Variants in DENND4A observed in about 807,000 individuals in gnomAD.
DENND4A encodes the protein DENN domain containing 4A.
DENND4A carries 70 observed loss-of-function variants against 199.3 expected under a neutral mutation model. The observed-to-expected ratio is 0.35, with a 90% CI of 0.29 to 0.43. DENND4A has a LOEUF of 0.43. Among genes scored for constraint, DENND4A ranks in the 20% least tolerant of loss-of-function variants. DENND4A has a pLI of 1.00. For synonymous variants in DENND4A, 686 were observed against 766.9 expected (o/e 0.89, Z 1.74); for missense variants, 1,723 against 2,255.8 (o/e 0.76, Z 4.78).
At chr15:65,676,670 T>C in intron 23 of DENND4A, 36 bp from the exon 24 acceptor site, 1 of 1,508,812 alleles carries the variant, frequency 6.6e-7, no homozygotes, top group South Asian at 1.3e-5. Context: ...TTCTTGTACA[T>C]TTAAAGGTAA....
chr15:65,770,853 T>C (rs538194254), intron 1 of DENND4A, among the ~76,000 whole-genome samples: 2 of 152,266 alleles, frequency 1.3e-5, no homozygotes, highest in South Asian at 2.1e-4. Flanking sequence ...AATCTTTACA[T>C]GACAAGGGAA....
In DENND4A at chr15:65,726,792, C is replaced by G. The variant is rs182166431; in HGVS notation, c.1487+2280G>C. ...CCAACACGGTGAAAACCCCTCTCTA[C>G]TAAAAATACAAAAATTATCCAGGTG... On this transcript the variant is annotated intron_variant, in intron 11 of 32. Coordinates refer to ENST00000443035, the MANE Select transcript of DENND4A (RefSeq NM_001320835.1). Among the ~76,000 whole-genome samples the G allele has an allele frequency of 3.1e-3, 468 of 152,096 alleles. 2 individuals carry two copies. The highest frequency in any genetic ancestry group is 0.011 in the African/African-American group (449 of 41,494).
intron 2 of DENND4A, among the ~76,000 whole-genome samples, chr15:65,759,202 G>C (rs2076788503): frequency 6.6e-6 from 1 of 152,176 alleles, no homozygotes; most frequent in African/African-American, 2.4e-5. Context: ...GACTAGGCCA[G>C]GCAAGGTGGC....
At position 65,661,055 on chromosome 15, in the gene DENND4A, AT is replaced by A. The variant is rs1170781673; in HGVS notation, c.*795del. 6.6e-6 allele frequency: 1 copy of A among 152,124 alleles called. No individual in the cohort carries two copies. Among genetic ancestry groups the A allele is most frequent in the Non-Finnish European group, 1.5e-5 (1 of 68,032 alleles). The allele number at this position is 152,124 out of a possible 1,614,324, so 9.4% of individuals were successfully genotyped here. ...TACGTATCTATTAGCAATAGAGACA[AT>A]TTTGGAGTCATGGTATAGTGAACCT... On this transcript the variant is annotated 3_prime_UTR_variant, in exon 33 of 33. Transcript: ENST00000443035.
At chr15:65,748,039 C>CAAAAAAAAAAAAA (rs34813076) in intron 4 of DENND4A, among the ~76,000 whole-genome samples, 1 of 54,378 alleles carries the variant, frequency 1.8e-5, no homozygotes, top group Non-Finnish European at 3.3e-5. Context: ...TACTCCGTCT[C>CAAAAAAAAAAAAA]AAAAAAAAAA....
chr15:65,674,917 G>C (rs1034871884), intron 24 of DENND4A, among the ~76,000 whole-genome samples: 1 of 152,150 alleles, frequency 6.6e-6, no homozygotes, highest in African/African-American at 2.4e-5. Context: ...GAAAGGAACA[G>C]ATAAAGTAAG....
intron 1 of DENND4A, among the ~76,000 whole-genome samples, chr15:65,769,020 A>G (rs1423257285): frequency 6.6e-6 from 1 of 151,916 alleles, no homozygotes; most frequent in Non-Finnish European, 1.5e-5. Context: ...ACAAAAAAAA[A>G]AACCCCCACA....
chr15:65,711,736 GTT>G (rs1279146419), intron 14 of DENND4A, among the ~76,000 whole-genome samples: 1 of 152,164 alleles, frequency 6.6e-6, no homozygotes, highest in Non-Finnish European at 1.5e-5. Flanking sequence ...TGTATCTACT[GTT>G]TGTATATCTC....
chr15:65,762,376 C>T (rs2076873321), intron 1 of DENND4A, among the ~76,000 whole-genome samples: 2 of 151,948 alleles, frequency 1.3e-5, no homozygotes, highest in South Asian at 4.2e-4. Context: ...GTAATCCCAG[C>T]ACTTTGAGAG....
At chr15:65,725,570 G>A (rs566784537) in intron 11 of DENND4A, among the ~76,000 whole-genome samples, 220 of 151,876 alleles carry the variant, frequency 1.4e-3, no homozygotes, top group African/African-American at 5.0e-3. Context: ...CCAGCTACTC[G>A]GGAGGCTGAG....
intron 1 of DENND4A, among the ~76,000 whole-genome samples, chr15:65,764,637 A>C (rs949221121): frequency 1.3e-4 from 19 of 151,832 alleles, no homozygotes; most frequent in Admixed American, 2.0e-4. Flanking sequence ...TCTCAAAAAA[A>C]CCCAATAATT....
intron 32 of DENND4A, among the ~76,000 whole-genome samples, chr15:65,663,394 A>C (rs1225178258): frequency 6.6e-6 from 1 of 151,572 alleles, no homozygotes; most frequent in East Asian, 1.9e-4. Flanking sequence ...TTTTTAGTAG[A>C]GATGGGGTTT....
chr15:65,664,683 T>C lies in DENND4A; in HGVS notation c.5399A>G (p.Asp1800Gly), dbSNP rs2075978787. The change falls in exon 31 of 33, where the codon GAT becomes GGT. Residue 1800 changes from aspartate to glycine, a missense_variant. By Grantham distance (94) the Asp-to-Gly change is moderately conservative. Coordinates refer to ENST00000443035, the MANE Select transcript of DENND4A (RefSeq NM_001320835.1). ...CAACAGTTCCTGGTTAAATGAGTTA[T>C]CACTTTTTTGCAATAAATGGACCAT... The part of the protein sequence containing the change: ...YPMVHLLQKS[D>G]NSFNQELLKS... 4 of 1,612,704 alleles carry C rather than the reference T, an allele frequency of 2.5e-6. No homozygotes were observed. Among genetic ancestry groups the C allele is most frequent in the Non-Finnish European group, 3.4e-6 (4 of 1,179,348 alleles).
intron 3 of DENND4A, among the ~76,000 whole-genome samples, chr15:65,755,120 C>T (rs2076666675): frequency 6.6e-6 from 1 of 152,116 alleles, no homozygotes; most frequent in African/African-American, 2.4e-5. Flanking sequence ...ACCTTGAAAA[C>T]ATTATGCTAA....
In DENND4A at chr15:65,702,419, C is replaced by G; in HGVS notation, c.2316G>C (p.Trp772Cys). ...RCLLRHCYGL[W>C]FICLPAYVKV... ...TCACATAAGCTGGGAGACAAATAAA[C>G]CACAGTCCATAACAGTGGCGCAGTA... Residue 772 changes from tryptophan to cysteine, a missense_variant, in exon 17 of 33, where the codon TGG becomes TGC. By Grantham distance (215) the Trp-to-Cys change is radical. Transcript: ENST00000443035. The G allele has an allele frequency of 6.3e-7, 1 of 1,584,776 alleles. No homozygotes were observed. Among genetic ancestry groups the G allele is most frequent in the Non-Finnish European group, 8.6e-7 (1 of 1,165,078 alleles).
At chr15:65,662,523 AC>A (rs2075881896) in intron 32 of DENND4A, among the ~76,000 whole-genome samples, 1 of 152,002 alleles carries the variant, frequency 6.6e-6, no homozygotes, top group East Asian at 1.9e-4. Flanking sequence ...ACAGACTGTT[AC>A]TTTTATTTTT....
intron 3 of DENND4A, among the ~76,000 whole-genome samples, chr15:65,753,556 A>C (rs930045533): frequency 6.6e-6 from 1 of 152,156 alleles, no homozygotes; most frequent in East Asian, 1.9e-4. Flanking sequence ...ACAAAGTTTC[A>C]CCATGTTGGC....
rs1435137020 is a variant in DENND4A at position 65,720,947 on chromosome 15, T to TTCTATATATATATATA, written c.1588+1900_1588+1901insTATATATATATATAGA. Reference sequence around the variant, plus strand: ...AAAGTTGAATGGGCTGTTTCATTGATTATATATATATATATATATATATAT... The same window carrying TTCTATATATATATATA: ...AAAGTTGAATGGGCTGTTTCATTGATTCTATATATATATATATATATATATATATATATATATATAT... On this transcript the variant is annotated intron_variant, in intron 12 of 32. Transcript: ENST00000443035. Among the ~76,000 whole-genome samples, 23 of 76,260 alleles carry TTCTATATATATATATA rather than the reference T, an allele frequency of 3.0e-4. 1 individual carries two copies. Among genetic ancestry groups the TTCTATATATATATATA allele is most frequent in the South Asian group, 7.8e-4 (2 of 2,562 alleles). The allele number at this position is 76,260 out of a possible 152,430, so 50.0% of individuals were successfully genotyped here.
rs1208025689 is a variant in DENND4A at position 65,701,751 on chromosome 15, A to G, written c.2559+11T>C. ...AGTAATACTCTTTATCCATTAAACC[A>G]AGGTATTTACCTTATTATAATAACC... On this transcript the variant is annotated intron_variant, in intron 18 of 32. Coordinates refer to ENST00000443035, the MANE Select transcript of DENND4A (RefSeq NM_001320835.1). 1 of 1,612,358 alleles carries G rather than the reference A, an allele frequency of 6.2e-7. No homozygotes were observed. Among genetic ancestry groups the G allele is most frequent in the African/African-American group, 1.3e-5 (1 of 74,858 alleles).
Sources: allele counts gnomAD v4.1 joint callset (sites outside exome capture counted in the v4.1 genomes callset), GRCh38; gene constraint gnomAD v4.1.1; transcripts MANE v1.5; gene names NCBI Gene and HGNC (gene_info 2026-07-23, HGNC 2026-07-21).